Variants in ANO3 observed in about 807,000 individuals in gnomAD.
The protein encoded by ANO3 is anoctamin-3.
A neutral mutation model predicts 144.8 loss-of-function variants in ANO3; 99 were observed. The observed-to-expected ratio is 0.68, with a 90% confidence interval of 0.58 to 0.81. The LOEUF is 0.81. Ranked by LOEUF, ANO3 falls within the 30% of genes least tolerant of loss-of-function variation. The probability of loss-of-function intolerance (pLI) is 0.00; values close to 1 mark genes in which losing one functional copy is unlikely to be tolerated. For synonymous variants in ANO3, 414 were observed against 392.6 expected, an observed-to-expected ratio of 1.05 and a Z score of -0.64; for missense variants, 905 against 1,202.2, an observed-to-expected ratio of 0.75 and a Z score of 3.66.
At chr11:26,634,419 C>T (rs1852885443) in intron 19 of ANO3, 104 bp downstream of exon 19, 5 of 714,650 alleles carry the variant, frequency 7.0e-6, no homozygotes, top group Non-Finnish European at 1.2e-5. Context: ...CAGCCACCAG[C>T]AGCTAAAGTT....
At chr11:26,618,334 G>A (rs1482656484) in intron 17 of ANO3, among the ~76,000 whole-genome samples, 1 of 151,836 alleles carries the variant, frequency 6.6e-6, no homozygotes, top group Non-Finnish European at 1.5e-5. Flanking sequence ...GTGACTAACT[G>A]TTGTGAATTT....
chr11:26,640,867 A>G (rs1039642097), intron 21 of ANO3, among the ~76,000 whole-genome samples: 2 of 152,168 alleles, frequency 1.3e-5, no homozygotes, highest in Admixed American at 1.3e-4. Flanking sequence ...ACCTAAATAC[A>G]TATAATAGAA....
intron 4 of ANO3, among the ~76,000 whole-genome samples, chr11:26,478,889 T>C (rs1229281769): frequency 1.3e-5 from 2 of 152,218 alleles, no homozygotes; most frequent in African/African-American, 4.8e-5. Flanking sequence ...CTATAAAAGC[T>C]CACTGCTTGT....
intron 1 of ANO3, among the ~76,000 whole-genome samples, chr11:26,419,113 C>T (rs1190061931): frequency 6.6e-6 from 1 of 151,986 alleles, no homozygotes; most frequent in African/African-American, 2.4e-5. Flanking sequence ...ACAATCATGG[C>T]AGAAGGCAAA....
chr11:26,540,119 T>C (rs890362647), intron 10 of ANO3, among the ~76,000 whole-genome samples: 1 of 152,060 alleles, frequency 6.6e-6, no homozygotes, highest in Non-Finnish European at 1.5e-5. Context: ...ACTTCCAAAA[T>C]GGCAACCCAT....
chr11:26,287,453 C>G (rs150682952), intron 1 of ANO3: 1 of 152,034 alleles, frequency 6.6e-6, no homozygotes, highest in Non-Finnish European at 1.5e-5. Context: ...ACAGAGAGGT[C>G]GAGTGATTTA....
At chr11:26,246,844 C>A (rs1188085906) in intron 1 of ANO3, among the ~76,000 whole-genome samples, 7 of 152,230 alleles carry the variant, frequency 4.6e-5, no homozygotes, top group Non-Finnish European at 1.0e-4. Context: ...TTGCCTACCT[C>A]CATGTAAGAT....
At chr11:26,331,600 G>C (rs994545116), upstream of ANO3, 10 of 152,158 alleles carry the variant, frequency 6.6e-5, no homozygotes, top group African/African-American at 2.4e-4. Context: ...GGTTATAAAT[G>C]GTCCTCAGTC....
At chr11:26,507,985 G>A (rs1242565209) in intron 4 of ANO3, 119 bp from the exon 5 acceptor site, 1 of 827,140 alleles carries the variant, frequency 1.2e-6, no homozygotes, top group Admixed American at 3.7e-5. Flanking sequence ...TCTCATGGTA[G>A]GAATATTAAA....
chr11:26,244,495 C>G (rs567252939), intron 1 of ANO3, among the ~76,000 whole-genome samples: 1 of 152,150 alleles, frequency 6.6e-6, no homozygotes, highest in Non-Finnish European at 1.5e-5. Context: ...AAAGTTGCCT[C>G]CACCAGTCCT....
chr11:26,300,635 T>A (rs1177154727), intron 1 of ANO3, among the ~76,000 whole-genome samples: 1 of 152,172 alleles, frequency 6.6e-6, no homozygotes, highest in Non-Finnish European at 1.5e-5. Flanking sequence ...AACAAACTTC[T>A]AGAAGTTTCC....
At chr11:26,517,821 C>T (rs568720886) in intron 6 of ANO3, among the ~76,000 whole-genome samples, 10 of 152,104 alleles carry the variant, frequency 6.6e-5, no homozygotes, top group East Asian at 5.8e-4. Flanking sequence ...CAGTATTCAA[C>T]GTAAAATGTG....
intron 10 of ANO3, among the ~76,000 whole-genome samples, chr11:26,540,700 T>C (rs420941): frequency 0.98 from 149,029 of 152,258 alleles, 73,016 homozygotes; most frequent in East Asian, 1. Flanking sequence ...AAAAAAAGCT[T>C]ATCACCACTG....
intron 1 of ANO3, among the ~76,000 whole-genome samples, chr11:26,240,623 G>A (rs1383482178): frequency 6.6e-6 from 1 of 151,990 alleles, no homozygotes; most frequent in Non-Finnish European, 1.5e-5. Flanking sequence ...TTGCTAAAAT[G>A]TACTTTAAAT....
chr11:26,492,773 T>C (rs770726686), intron 4 of ANO3, among the ~76,000 whole-genome samples: 1 of 152,188 alleles, frequency 6.6e-6, no homozygotes, highest in Non-Finnish European at 1.5e-5. Context: ...TTTTAGTGAG[T>C]ACTTAATTTT....
chr11:26,589,128 G>A (rs1465341067), intron 14 of ANO3, among the ~76,000 whole-genome samples: 2 of 152,192 alleles, frequency 1.3e-5, no homozygotes, highest in Non-Finnish European at 2.9e-5. Context: ...TGGGTGGAGA[G>A]TAACTAGCAA....
chr11:26,550,955 C>T (rs1849916418), intron 12 of ANO3, among the ~76,000 whole-genome samples: 1 of 152,022 alleles, frequency 6.6e-6, no homozygotes, highest in South Asian at 2.1e-4. Flanking sequence ...TAGTAGCAAT[C>T]CTAACAGGTG....
intron 6 of ANO3, among the ~76,000 whole-genome samples, chr11:26,520,970 A>G (rs1482738157): frequency 6.6e-6 from 1 of 152,136 alleles, no homozygotes; most frequent in Non-Finnish European, 1.5e-5. Flanking sequence ...GTTCTTGAGA[A>G]AAGAGTTTGA....
At chr11:26,591,583 T>A (rs1168110939) in intron 14 of ANO3, among the ~76,000 whole-genome samples, 1 of 152,092 alleles carries the variant, frequency 6.6e-6, no homozygotes, top group Non-Finnish European at 1.5e-5. Context: ...CCCTATACGA[T>A]GGGACATCAA....
Sources: allele counts gnomAD v4.1 joint callset (sites outside exome capture counted in the v4.1 genomes callset), GRCh38; gene constraint gnomAD v4.1.1; transcripts MANE v1.5; gene names NCBI Gene and HGNC (gene_info 2026-07-23, HGNC 2026-07-21).